The following MCU variants were observed in gnomAD, a reference collection of about 807,000 sequenced individuals.
MCU encodes mitochondrial calcium uniporter.
MCU carries 12 observed loss-of-function variants against 45.2 expected under a neutral mutation model. That is an observed-to-expected ratio of 0.27 (90% confidence interval 0.17 to 0.43). The LOEUF is 0.43. Ranked by LOEUF, MCU falls within the 20% of genes least tolerant of loss-of-function variation. MCU has a pLI of 1.00. For synonymous variants in MCU, 160 were observed against 165.1 expected, an observed-to-expected ratio of 0.97 and a Z score of 0.24; for missense variants, 324 against 436.7, an observed-to-expected ratio of 0.74 and a Z score of 2.30.
chr10:72,866,369 G>C (rs1298809108), intron 4 of MCU, among the ~76,000 whole-genome samples: 1 of 152,106 alleles, frequency 6.6e-6, no homozygotes, highest in Non-Finnish European at 1.5e-5. Flanking sequence ...AAGGCACTAG[G>C]TTCAGGATGT....
intron 1 of MCU, among the ~76,000 whole-genome samples, chr10:72,812,343 A>G (rs556072811): frequency 1.3e-5 from 2 of 151,998 alleles, no homozygotes; most frequent in South Asian, 2.1e-4. Flanking sequence ...GCGGGGTTTC[A>G]CCATGTTGGC....
At chr10:72,781,013 A>G (rs534778225) in intron 1 of MCU, among the ~76,000 whole-genome samples, 2 of 152,300 alleles carry the variant, frequency 1.3e-5, no homozygotes, top group African/African-American at 4.8e-5. Flanking sequence ...ATTTGGGGGT[A>G]TTTGCCTTCT....
At chr10:72,828,909 T>G (rs573353758) in intron 1 of MCU, among the ~76,000 whole-genome samples, 162 of 152,334 alleles carry the variant, frequency 1.1e-3, no homozygotes, top group Non-Finnish European at 2.0e-3. Context: ...GTCCCTGATT[T>G]TCCTTAAAGT....
intron 6 of MCU, 115 bp downstream of exon 6, chr10:72,871,695 A>G (rs1293292534): frequency 2.6e-6 from 2 of 769,948 alleles, no homozygotes; most frequent in South Asian, 1.7e-5. Flanking sequence ...CATCCTTTAC[A>G]CATACACACA....
At chr10:72,741,497 A>G (rs1300959875) in intron 1 of MCU, among the ~76,000 whole-genome samples, 1 of 152,232 alleles carries the variant, frequency 6.6e-6, no homozygotes, top group East Asian at 1.9e-4. Context: ...TTTACTGAAA[A>G]GGATAAACAT....
At chr10:72,739,363 A>C (rs991949296) in intron 1 of MCU, among the ~76,000 whole-genome samples, 4 of 152,240 alleles carry the variant, frequency 2.6e-5, no homozygotes, top group African/African-American at 9.6e-5. Flanking sequence ...ATTGTATTGC[A>C]TCAAATAGGA....
At chr10:72,816,194 A>T (rs1284317705) in intron 1 of MCU, among the ~76,000 whole-genome samples, 1 of 152,132 alleles carries the variant, frequency 6.6e-6, no homozygotes, top group Non-Finnish European at 1.5e-5. Context: ...TAAACTCTAG[A>T]GGGATCTTTT....
intron 1 of MCU, among the ~76,000 whole-genome samples, chr10:72,753,722 A>G (rs568164012): frequency 6.6e-6 from 1 of 152,152 alleles, no homozygotes; most frequent in East Asian, 1.9e-4. Context: ...AAAAAATACA[A>G]AATACTAGCT....
chr10:72,858,411 G>A (rs939334060), intron 2 of MCU, among the ~76,000 whole-genome samples: 3 of 152,156 alleles, frequency 2.0e-5, no homozygotes, highest in Non-Finnish European at 4.4e-5. Flanking sequence ...CCACTCCACG[G>A]TCGGTGGCCT....
intron 2 of MCU, among the ~76,000 whole-genome samples, chr10:72,843,667 AG>A (rs1845078874): frequency 6.6e-6 from 1 of 152,150 alleles, no homozygotes; most frequent in African/African-American, 2.4e-5. Flanking sequence ...ATAAATACAG[AG>A]AATTGTGGTT....
chr10:72,819,694 C>T (rs1844680372), intron 1 of MCU, among the ~76,000 whole-genome samples: 1 of 148,600 alleles, frequency 6.7e-6, no homozygotes, highest in Non-Finnish European at 1.5e-5. Context: ...ATTACCTTTA[C>T]CTAGATTCAG....
intron 6 of MCU, among the ~76,000 whole-genome samples, chr10:72,873,939 A>G (rs904699881): frequency 2.6e-5 from 4 of 152,052 alleles, no homozygotes; most frequent in Non-Finnish European, 4.4e-5. Context: ...TGGATTCTCT[A>G]TTCTGTTTCT....
intron 2 of MCU, among the ~76,000 whole-genome samples, chr10:72,840,486 C>CT (rs1302180667): frequency 6.6e-6 from 1 of 152,086 alleles, no homozygotes; most frequent in Non-Finnish European, 1.5e-5. Flanking sequence ...TTATTAATGA[C>CT]TTTTTTGTCA....
Position 72,886,017 on chromosome 10 carries a change from A to C in MCU, c.*195A>C. On this transcript the variant is annotated 3_prime_UTR_variant, in exon 8 of 8. Transcript: ENST00000373053. ...ATCAGGCATTGTGGAATATAAGCTC[A>C]AAGGGCTTAGTGAATATTGTCTTAA... The C allele has an allele frequency of 3.3e-5, 18 of 546,442 alleles. No homozygotes were observed. Among genetic ancestry groups the C allele is most frequent in the Non-Finnish European group, 3.9e-5 (12 of 306,600 alleles). 33.8% of individuals were successfully genotyped at this position (546,442 alleles called of 1,614,324 possible).
At chr10:72,701,877 G>A (rs1272256518) in intron 1 of MCU, among the ~76,000 whole-genome samples, 3 of 151,608 alleles carry the variant, frequency 2.0e-5, no homozygotes, top group African/African-American at 7.3e-5. Context: ...CTCCCCTCCC[G>A]GTGTTAGCTG....
intron 1 of MCU, among the ~76,000 whole-genome samples, chr10:72,813,855 G>A (rs930716226): frequency 5.3e-5 from 8 of 151,814 alleles, no homozygotes; most frequent in Admixed American, 4.6e-4. Flanking sequence ...TAAACAATTT[G>A]CAAACTATAC....
intron 1 of MCU, among the ~76,000 whole-genome samples, chr10:72,697,239 C>G (rs1401190019): frequency 6.6e-6 from 1 of 151,432 alleles, no homozygotes; most frequent in African/African-American, 2.4e-5. Context: ...GTCTCAGCCT[C>G]CCAAGTAGCT....
intron 1 of MCU, among the ~76,000 whole-genome samples, chr10:72,725,048 C>T (rs1483582560): frequency 2.0e-5 from 3 of 151,404 alleles, no homozygotes; most frequent in Admixed American, 6.6e-5. Flanking sequence ...TCCTGAGCCT[C>T]GACTTCCTGG....
chr10:72,848,420 CAGAG>C (rs940975144), intron 2 of MCU, among the ~76,000 whole-genome samples: 1 of 152,090 alleles, frequency 6.6e-6, no homozygotes, highest in South Asian at 2.1e-4. Flanking sequence ...GCACAGAAGA[CAGAG>C]AGGGGAAATT....
Sources: allele counts gnomAD v4.1 joint callset (sites outside exome capture counted in the v4.1 genomes callset), GRCh38; gene constraint gnomAD v4.1.1; transcripts MANE v1.5; gene names NCBI Gene and HGNC (gene_info 2026-07-23, HGNC 2026-07-21).